Variants in SPAG9 observed in about 807,000 individuals in gnomAD.
The protein encoded by SPAG9 is sperm associated antigen 9, also known as C-Jun-amino-terminal kinase-interacting protein 4.
SPAG9 carries 35 observed loss-of-function variants against 166.5 expected under a neutral mutation model. The ratio of observed to expected loss-of-function variants is 0.21; its 90% CI spans 0.16 to 0.28. The LOEUF is 0.28. Ranked by LOEUF, SPAG9 falls within the 10% of genes least tolerant of loss-of-function variation. The pLI, the probability that SPAG9 is intolerant of heterozygous loss-of-function variation, is 1.00. For missense variants in SPAG9, 1,235 were observed against 1,603.3 expected, an observed-to-expected ratio of 0.77 and a Z score of 3.92; for synonymous variants, 534 against 565.5, an observed-to-expected ratio of 0.94 and a Z score of 0.79.
chr17:51,089,620 TTATATATA>T lies in SPAG9; in HGVS notation c.304-9924_304-9917del, dbSNP rs746370783. On this transcript the variant is annotated intron_variant, in intron 1 of 29. Coordinates refer to ENST00000262013, the MANE Select transcript of SPAG9 (RefSeq NM_001130528.3). Reference sequence around the variant, plus strand: ...TATATGTATATATATACACTTTATTTTATATATATATATATATATATATATATATATAT... The same window carrying T: ...TATATGTATATATATACACTTTATTTTATATATATATATATATATATATAT... Among the ~76,000 whole-genome samples the T allele has an allele frequency of 6.3e-3, 255 of 40,462 alleles. 4 individuals carry two copies. The highest frequency in any genetic ancestry group is 0.021 in the East Asian group (22 of 1,060). The allele number at this position is 40,462 out of a possible 152,430, so 26.5% of individuals were successfully genotyped here.
At chr17:51,013,759 G>A (rs2045583965) in intron 9 of SPAG9, among the ~76,000 whole-genome samples, 2 of 151,882 alleles carry the variant, frequency 1.3e-5, no homozygotes, top group African/African-American at 4.8e-5. Context: ...TTTACCATAG[G>A]GCTAAAACAT....
intron 1 of SPAG9, among the ~76,000 whole-genome samples, chr17:51,104,136 G>C (rs2048877080): frequency 6.6e-6 from 1 of 152,170 alleles, no homozygotes; most frequent in Non-Finnish European, 1.5e-5. Context: ...GAAGAAAAGA[G>C]AACCAGGTTT....
chr17:51,015,734 TA>T (rs34599862), intron 8 of SPAG9, among the ~76,000 whole-genome samples: 7 of 149,598 alleles, frequency 4.7e-5, no homozygotes, highest in Non-Finnish European at 8.9e-5. Context: ...AATGAGGGTT[TA>T]AAAAAAAATC....
Position 50,995,710 on chromosome 17 carries a change from A to G in SPAG9, c.1969-177T>C, listed in dbSNP as rs142347582. The G allele has an allele frequency of 2.8e-3, 1,610 of 577,692 alleles. 32 individuals are homozygous for G. The Admixed American group carries it at 0.039, about 14-fold the overall frequency. 35.8% of individuals were successfully genotyped at this position (577,692 alleles called of 1,614,324 possible). On this transcript the variant is annotated intron_variant, in intron 16 of 29. Coordinates refer to ENST00000262013, the MANE Select transcript of SPAG9 (RefSeq NM_001130528.3). ...ACAGGGTCGCTCTACTGCCCAGGCT[A>G]GAGTGCAGTGGCTTGATCATGGCTC...
At chr17:50,983,349 T>C (rs927884630) in intron 24 of SPAG9, among the ~76,000 whole-genome samples, 6 of 152,374 alleles carry the variant, frequency 3.9e-5, no homozygotes, top group East Asian at 3.9e-4. Flanking sequence ...TACAGCCCTA[T>C]GTCTCCTCTT....
At chr17:51,053,883 A>AG (rs2047274617) in intron 3 of SPAG9, among the ~76,000 whole-genome samples, 6 of 114,240 alleles carry the variant, frequency 5.3e-5, no homozygotes, top group Non-Finnish European at 1.0e-4. Flanking sequence ...ATATATATAT[A>AG]TATATATATA....
rs1241142405 is a variant in SPAG9, at chr17:51,014,244, C to A, written c.1201G>T (p.Ala401Ser). ...TGAGCTATCATACCTAGTAAATCTGCTCCTTCATCCACATCTCCTATTAGG... is the reference window on the plus strand; with the variant it reads ...TGAGCTATCATACCTAGTAAATCTGATCCTTCATCCACATCTCCTATTAGG... ...SGLIGDVDEG[A>S]DLLGMGREVE... Residue 401 changes from alanine (A) to serine (S), a missense_variant, in exon 9 of 30, where the codon GCA (alanine) becomes TCA (serine). Coordinates refer to ENST00000262013, the MANE Select transcript of SPAG9 (RefSeq NM_001130528.3). 6.2e-7 allele frequency: 1 copy of A among 1,610,418 alleles called. No individual in the cohort carries two copies. Among genetic ancestry groups the A allele is most frequent in the Non-Finnish European group, 8.5e-7 (1 of 1,178,262 alleles).
chr17:50,987,193 T>C lies in SPAG9; in HGVS notation c.2858A>G (p.Asn953Ser), dbSNP rs1975111120. The stretch of plus-strand genomic sequence containing the variant: ...TTCTTCTCTCACCAAGTCTTGTTCA[T>C]TTGGCAGTACTGATATTTGATCTTT... Reference protein sequence around the residue: ...AYKDQISVLPNEQDLVREEAQ... With the variant: ...AYKDQISVLPSEQDLVREEAQ... The change falls in exon 22 of 30, where the codon AAT becomes AGT. Residue 953 changes from asparagine (N) to serine (S), a missense_variant. By Grantham distance (46) the Asn-to-Ser change is conservative. Transcript: ENST00000262013. 6.2e-7 allele frequency: 1 copy of C among 1,613,384 alleles called. No homozygotes were observed. Among genetic ancestry groups the C allele is most frequent in the Non-Finnish European group, 8.5e-7 (1 of 1,179,720 alleles).
intron 1 of SPAG9, among the ~76,000 whole-genome samples, chr17:51,110,382 A>T (rs1317731350): frequency 6.9e-6 from 1 of 144,918 alleles, no homozygotes; most frequent in Non-Finnish European, 1.5e-5. Context: ...AAGTTTACTA[A>T]CCTTACAAAA....
At chr17:51,113,777 G>C (rs1245473871) in intron 1 of SPAG9, among the ~76,000 whole-genome samples, 1 of 151,526 alleles carries the variant, frequency 6.6e-6, no homozygotes, top group East Asian at 1.9e-4. Flanking sequence ...TGCGAGGAAT[G>C]TCTGAGCCCA....
intron 5 of SPAG9, among the ~76,000 whole-genome samples, chr17:51,039,829 T>C (rs1007672506): frequency 6.6e-6 from 1 of 152,168 alleles, no homozygotes; most frequent in Non-Finnish European, 1.5e-5. Flanking sequence ...CCTCCTACTT[T>C]TGTTTTGGGA....
chr17:51,052,926 G>A (rs911795948), intron 3 of SPAG9, among the ~76,000 whole-genome samples: 10 of 151,906 alleles, frequency 6.6e-5, no homozygotes, highest in Admixed American at 3.9e-4. Flanking sequence ...GAGCGTGGTG[G>A]TGCACTCCTG....
intron 2 of SPAG9, among the ~76,000 whole-genome samples, chr17:51,061,540 G>C (rs1409166502): frequency 2.0e-5 from 3 of 149,028 alleles, no homozygotes; most frequent in African/African-American, 7.5e-5. Flanking sequence ...AACCTGGGAG[G>C]TGGAGGTTGC....
intron 17 of SPAG9, 96 bp downstream of exon 17, chr17:50,995,348 C>T (rs1567975618): frequency 7.7e-7 from 1 of 1,290,854 alleles, no homozygotes; most frequent in Non-Finnish European, 1.1e-6. Flanking sequence ...TGAACAATAA[C>T]CTCACCATAG....
intron 1 of SPAG9, among the ~76,000 whole-genome samples, chr17:51,090,939 A>G (rs1387132241): frequency 6.6e-6 from 1 of 152,150 alleles, no homozygotes; most frequent in Admixed American, 6.6e-5. Flanking sequence ...ATATAATGTA[A>G]CCACACTGAA....
In SPAG9 at chr17:51,106,201, G is replaced by A. The variant is rs139294208; in HGVS notation, c.303+14153C>T. Among the ~76,000 whole-genome samples, 1,173 of 151,236 alleles carry A rather than the reference G, an allele frequency of 7.8e-3. 15 individuals carry two copies. Among genetic ancestry groups the A allele is most frequent in the African/African-American group, 0.027 (1,100 of 41,142 alleles). ...ACCTGTAGTCCTAGCTACTCAGGAGGTTGAGGCAAAAGAATCACTTGAACC... is the reference window on the plus strand; with the variant it reads ...ACCTGTAGTCCTAGCTACTCAGGAGATTGAGGCAAAAGAATCACTTGAACC... On this transcript the variant is annotated intron_variant, in intron 1 of 29. Transcript: ENST00000262013.
intron 9 of SPAG9, among the ~76,000 whole-genome samples, chr17:51,011,120 A>G (rs1253608779): frequency 6.6e-6 from 1 of 152,112 alleles, no homozygotes; most frequent in Non-Finnish European, 1.5e-5. Context: ...TGAGACACCA[A>G]TCAAGATAAA....
chr17:51,113,690 A>AC (rs2049194494), intron 1 of SPAG9, among the ~76,000 whole-genome samples: 1 of 151,334 alleles, frequency 6.6e-6, no homozygotes, highest in South Asian at 2.1e-4. Context: ...AAAAAAAAAA[A>AC]AAACAACAAC....
In SPAG9 at chr17:51,020,241, C is replaced by G. The variant is rs780344094; in HGVS notation, c.1009G>C (p.Glu337Gln). The G allele has an allele frequency of 3.1e-6, 5 of 1,612,454 alleles. No homozygotes were observed. In the South Asian group the frequency reaches 5.5e-5, roughly 18 times the overall value. ...ATGATTGCTTGAACTTCTGACTTTT[C>G]TTCATTTTCAGCAGAGCCTTAAAAA... ...NVSTGSAENE[E>Q]KSEVQAIIES... Residue 337 changes from glutamate (E) to glutamine (Q), a missense_variant, in exon 8 of 30, where the codon GAA becomes CAA. This residue lies in a region of SPAG9 where 288 missense variants were observed against 323.7 expected (regional missense o/e 0.89). Coordinates refer to ENST00000262013, the MANE Select transcript of SPAG9 (RefSeq NM_001130528.3).
Sources: gnomAD v4.1 joint callset for allele counts (sites outside exome capture counted in the v4.1 genomes callset) on GRCh38, gnomAD v4.1.1 for gene constraint, gnomAD v4.1.1 regional missense constraint, MANE v1.5 for transcripts, NCBI Gene and HGNC (gene_info 2026-07-23, HGNC 2026-07-21) for gene names.